The following SMURF1 variants were observed in gnomAD, a reference collection of about 807,000 sequenced individuals.
SMURF1 encodes SMAD specific E3 ubiquitin protein ligase 1, also known as E3 ubiquitin-protein ligase SMURF1.
In SMURF1, 44 loss-of-function variants were observed where a neutral mutation model predicts 98.0. That is an observed-to-expected ratio of 0.45 (90% CI 0.35 to 0.58). The LOEUF is 0.58. Among genes scored for constraint, SMURF1 ranks in the 20% least tolerant of loss-of-function variants. The probability of loss-of-function intolerance (pLI) is 0.00; values close to 1 mark genes in which losing one functional copy is unlikely to be tolerated. For synonymous variants in SMURF1, 396 were observed against 374.9 expected (o/e 1.06, Z -0.65); for missense variants, 687 against 938.4 (o/e 0.73, Z 3.50).
intron 1 of SMURF1, among the ~76,000 whole-genome samples, chr7:99,063,257 A>AAGATTTT (rs1796092085): frequency 1.8e-4 from 1 of 5,568 alleles, no homozygotes; most frequent in Admixed American, 2.4e-3. Flanking sequence ...ATATATATAT[A>AAGATTTT]TATATATATA....
chr7:99,089,552 AATCAC>A (rs1796765455), intron 1 of SMURF1, among the ~76,000 whole-genome samples: 1 of 152,018 alleles, frequency 6.6e-6, no homozygotes, highest in African/African-American at 2.4e-5. Context: ...GAGGTGGGAG[AATCAC>A]TTGAGCCCAG....
At chr7:99,095,720 T>TA (rs1472756226) in intron 1 of SMURF1, among the ~76,000 whole-genome samples, 1 of 152,222 alleles carries the variant, frequency 6.6e-6, no homozygotes, top group East Asian at 1.9e-4. Flanking sequence ...TATGTTTTCT[T>TA]AAAGATCTCA....
intron 10 of SMURF1, among the ~76,000 whole-genome samples, chr7:99,047,096 G>A (rs957634192): frequency 1.3e-5 from 2 of 152,218 alleles, no homozygotes; most frequent in Non-Finnish European, 2.9e-5. Context: ...CTTGGGAAAA[G>A]GGCCTGGTCT....
chr7:99,054,362 A>G (rs1423927725), intron 6 of SMURF1, among the ~76,000 whole-genome samples: 1 of 152,114 alleles, frequency 6.6e-6, no homozygotes, highest in Non-Finnish European at 1.5e-5. Context: ...GCTGGAGTGC[A>G]GTGGCATGAT....
chr7:99,048,355 C>G (rs548326406), intron 9 of SMURF1: 1 of 164,004 alleles, frequency 6.1e-6, no homozygotes, highest in African/African-American at 2.4e-5. Flanking sequence ...CGCCACTGCC[C>G]TCCAGCCTGG....
At chr7:99,130,292 A>AAAT (rs1797843401) in intron 1 of SMURF1, among the ~76,000 whole-genome samples, 1 of 152,122 alleles carries the variant, frequency 6.6e-6, no homozygotes. Flanking sequence ...TCTCTACTAA[A>AAAT]AATACAAAAA....
chr7:99,136,801 T>C (rs965240415), intron 1 of SMURF1, among the ~76,000 whole-genome samples: 2 of 152,200 alleles, frequency 1.3e-5, no homozygotes, highest in Non-Finnish European at 1.5e-5. Context: ...ACTACAATGA[T>C]TAGCCAGCCG....
intron 6 of SMURF1, among the ~76,000 whole-genome samples, chr7:99,053,865 C>T (rs180883213): frequency 6.6e-6 from 1 of 152,228 alleles, no homozygotes; most frequent in East Asian, 1.9e-4. Context: ...TTGAGTTCCT[C>T]CCCCCGTCAT....
In SMURF1 at chr7:99,063,263, AT is replaced by A. The variant is rs1563012717; in HGVS notation, c.56-1427del. Among the ~76,000 whole-genome samples the A allele has an allele frequency of 6.6e-3, 54 of 8,202 alleles. 4 individuals are homozygous for A. Among genetic ancestry groups the A allele is most frequent in the East Asian group, 0.062 (17 of 272 alleles). The allele number at this position is 8,202 out of a possible 152,430, so 5.4% of individuals were successfully genotyped here. ...TATTTATATATATATATATATATATATATATATATATATATATATATATATA... is the reference window on the plus strand; with the variant it reads ...TATTTATATATATATATATATATATAATATATATATATATATATATATATA... On this transcript the variant is annotated intron_variant, in intron 1 of 17. Transcript: ENST00000361368.
rs776506094 is a variant in SMURF1 at position 99,038,434 on chromosome 7, C to A, written c.1642G>T (p.Gly548Cys). The A allele has an allele frequency of 6.2e-7, 1 of 1,614,234 alleles. No homozygotes were observed. The highest frequency in any genetic ancestry group is 8.5e-7 in the Non-Finnish European group (1 of 1,180,038). The part of the protein sequence containing the change: ...RILQHELKPN[G>C]RNVPVTEENK... ...TCCTCTGTGACTGGCACATTTCTGCCATTGGGTTTCAGTTCATGCTGCAGG... is the reference window on the plus strand; with the variant it reads ...TCCTCTGTGACTGGCACATTTCTGCAATTGGGTTTCAGTTCATGCTGCAGG... The change falls in exon 14 of 18, where the codon GGC (glycine) becomes TGC (cysteine). Residue 548 changes from glycine (G) to cysteine (C), a missense_variant. By Grantham distance (159) the Gly-to-Cys change is radical. Coordinates refer to ENST00000361368, the MANE Select transcript of SMURF1 (RefSeq NM_181349.3).
intron 13 of SMURF1, among the ~76,000 whole-genome samples, chr7:99,039,065 C>G (rs998429913): frequency 6.6e-6 from 1 of 151,432 alleles, no homozygotes; most frequent in South Asian, 2.1e-4. Flanking sequence ...TGGTGGCAGG[C>G]GCCTGTAGTC....
intron 1 of SMURF1, among the ~76,000 whole-genome samples, chr7:99,119,162 T>C (rs1451514446): frequency 2.6e-5 from 4 of 151,896 alleles, no homozygotes; most frequent in Middle Eastern, 6.8e-3. Context: ...TAAAGGGGGA[T>C]GGGGAGGTAG....
intron 1 of SMURF1, among the ~76,000 whole-genome samples, chr7:99,114,206 T>C (rs1295353927): frequency 6.6e-6 from 1 of 152,144 alleles, no homozygotes; most frequent in Non-Finnish European, 1.5e-5. Context: ...GAAAATACTA[T>C]TTAAATTTGT....
At chr7:99,044,657 C>G (rs1335603877) in intron 11 of SMURF1, among the ~76,000 whole-genome samples, 1 of 151,628 alleles carries the variant, frequency 6.6e-6, no homozygotes, top group Non-Finnish European at 1.5e-5. Context: ...GTTGATACAT[C>G]AAAAAAATAA....
At chr7:99,042,912 G>A (rs552314353) in intron 11 of SMURF1, among the ~76,000 whole-genome samples, 6 of 152,300 alleles carry the variant, frequency 3.9e-5, no homozygotes, top group African/African-American at 1.4e-4. Flanking sequence ...CAAGAAAATC[G>A]TGAGAATACA....
chr7:99,062,183 C>T (rs1376053635), intron 1 of SMURF1, among the ~76,000 whole-genome samples: 1 of 100,038 alleles, frequency 1.0e-5, no homozygotes, highest in African/African-American at 2.7e-5. Flanking sequence ...CAGCCTCGAA[C>T]TCCTGGGTGA....
intron 1 of SMURF1, among the ~76,000 whole-genome samples, chr7:99,122,976 T>A (rs567725037): frequency 1.1e-4 from 17 of 151,982 alleles, no homozygotes; most frequent in African/African-American, 3.9e-4. Context: ...CTGAACAGAA[T>A]GTGAAGCCAA....
At chr7:99,051,573 T>C (rs916590248) in intron 7 of SMURF1, 132 bp from the exon 8 acceptor site, 3 of 724,784 alleles carry the variant, frequency 4.1e-6, no homozygotes, top group Non-Finnish European at 7.2e-6. Flanking sequence ...AGTTCTTCTC[T>C]CTGAGGTGGC....
At chr7:99,125,060 CA>C (rs1797716238) in intron 1 of SMURF1, among the ~76,000 whole-genome samples, 1 of 1,306 alleles carries the variant, frequency 7.7e-4, no homozygotes, top group Non-Finnish European at 7.7e-3. Flanking sequence ...TAAAAATTTT[CA>C]TTCATTCATT....
Sources: gnomAD v4.1 joint callset for allele counts (sites outside exome capture counted in the v4.1 genomes callset) on GRCh38, gnomAD v4.1.1 for gene constraint, MANE v1.5 for transcripts, NCBI Gene and HGNC (gene_info 2026-07-23, HGNC 2026-07-21) for gene names.